Variants in ITPRID1 observed in about 807,000 individuals in gnomAD.
The protein encoded by ITPRID1 is protein ITPRID1.
ITPRID1 carries 96 observed loss-of-function variants against 95.4 expected under a neutral mutation model. The observed-to-expected ratio is 1.01, with a 90% CI of 0.85 to 1.19. The LOEUF (loss-of-function observed/expected upper bound fraction) is 1.19, where lower values mean the gene tolerates loss of function less well. ITPRID1 is among the 50% of genes most tolerant of loss of function. The probability of loss-of-function intolerance (pLI) is 0.00; values close to 1 mark genes in which losing one functional copy is unlikely to be tolerated. For missense variants in ITPRID1, 1,339 were observed against 1,252.9 expected (o/e 1.07, Z -1.04); for synonymous variants, 510 against 453.6 (o/e 1.12, Z -1.58).
chr7:31,585,823 G>C (rs1785572464), intron 10 of ITPRID1, among the ~76,000 whole-genome samples: 1 of 151,968 alleles, frequency 6.6e-6, no homozygotes. Context: ...TTACAAAGAA[G>C]CATGACAAAT....
chr7:31,556,716 T>C (rs1002418452), intron 5 of ITPRID1, among the ~76,000 whole-genome samples: 3 of 152,082 alleles, frequency 2.0e-5, no homozygotes, highest in Non-Finnish European at 4.4e-5. Context: ...AAGAAGTCAC[T>C]TTTGGAGGGA....
chr7:31,525,994 A>G (rs1055170290), intron 1 of ITPRID1, among the ~76,000 whole-genome samples: 2 of 152,176 alleles, frequency 1.3e-5, no homozygotes, highest in Non-Finnish European at 2.9e-5. Flanking sequence ...GTCTCTGTGC[A>G]TGAATTGAAA....
intron 2 of ITPRID1, among the ~76,000 whole-genome samples, chr7:31,552,671 G>T (rs1227669170): frequency 6.6e-6 from 1 of 152,102 alleles, no homozygotes; most frequent in Non-Finnish European, 1.5e-5. Context: ...AAATTTGAAG[G>T]CTATTTACTG....
chr7:31,657,457 A>C (rs1293488173), downstream of ITPRID1, among the ~76,000 whole-genome samples: 1 of 152,228 alleles, frequency 6.6e-6, no homozygotes, highest in African/African-American at 2.4e-5. Context: ...CACTGTGCTA[A>C]TTGCATCTGA....
Position 31,554,896 on chromosome 7 carries a change from G to T in ITPRID1, c.251G>T (p.Arg84Leu), listed in dbSNP as rs546132367. 80 of 1,577,780 alleles carry T rather than the reference G, an allele frequency of 5.1e-5. No individual in the cohort carries two copies. Among genetic ancestry groups the T allele is most frequent in the Non-Finnish European group, 6.7e-5 (78 of 1,158,768 alleles). Residue 84 changes from arginine to leucine, a missense_variant, in exon 5 of 15, where the codon CGC becomes CTC. By Grantham distance (102) the Arg-to-Leu change is moderately radical. Transcript: ENST00000615280. ...ANENFQQVID[R>L]TVSLYEQGMV... ...GAAAACTTTCAACAAGTCATTGACCGCACTGGTAAGACAAGAGAAGCAGTT... is the reference window on the plus strand; with the variant it reads ...GAAAACTTTCAACAAGTCATTGACCTCACTGGTAAGACAAGAGAAGCAGTT...
At chr7:31,532,387 AG>A (rs1188675737) in intron 1 of ITPRID1, among the ~76,000 whole-genome samples, 1 of 152,036 alleles carries the variant, frequency 6.6e-6, no homozygotes, top group Non-Finnish European at 1.5e-5. Flanking sequence ...ATTCTGAAAA[AG>A]GTTGAATAGA....
At chr7:31,619,926 G>C (rs898425176) in intron 10 of ITPRID1, among the ~76,000 whole-genome samples, 6 of 152,194 alleles carry the variant, frequency 3.9e-5, no homozygotes, top group African/African-American at 1.4e-4. Context: ...TTTCCGACGG[G>C]CTTAAAAAAC....
At chr7:31,561,444 C>G (rs1333846910) in intron 5 of ITPRID1, among the ~76,000 whole-genome samples, 2 of 114,760 alleles carry the variant, frequency 1.7e-5, no homozygotes, top group Non-Finnish European at 4.2e-5. Flanking sequence ...GAAATCTCTT[C>G]CAATAAAACA....
intron 10 of ITPRID1, among the ~76,000 whole-genome samples, chr7:31,596,099 T>A (rs1245034938): frequency 6.6e-6 from 1 of 151,450 alleles, no homozygotes; most frequent in Non-Finnish European, 1.5e-5. Flanking sequence ...TCAAATTTTA[T>A]ATTGATACTA....
chr7:31,620,701 A>G (rs866694532), intron 10 of ITPRID1, among the ~76,000 whole-genome samples: 9 of 151,874 alleles, frequency 5.9e-5, no homozygotes, highest in African/African-American at 1.7e-4. Context: ...AAAGCAGAGC[A>G]CCTCTCCTCC....
Position 31,642,805 on chromosome 7 carries a change from A to G in ITPRID1, c.1435A>G (p.Ser479Gly). Residue 479 changes from serine to glycine, a missense_variant, in exon 12 of 15, where the codon AGT becomes GGT. Physicochemically the swap from Ser to Gly is moderately conservative, Grantham distance 56. Transcript: ENST00000615280. Reference sequence around the variant, plus strand: ...AGAGTCGGATGGGCCAGATTCCAAAAGTAGGGCGAGCATGTCTTTTTCAAG... The same window carrying G: ...AGAGTCGGATGGGCCAGATTCCAAAGGTAGGGCGAGCATGTCTTTTTCAAG... ...QLESDGPDSKSRASMSFSSQE... is the reference protein window; with the variant it reads ...QLESDGPDSKGRASMSFSSQE... 1.2e-6 allele frequency: 2 copies of G among 1,613,818 alleles called. No individual in the cohort carries two copies. Among genetic ancestry groups the G allele is most frequent in the Middle Eastern group, 1.7e-4 (1 of 6,060 alleles).
At position 31,654,814 on chromosome 7, in the gene ITPRID1, G is replaced by A. The variant is rs561095643; in HGVS notation, c.*1985G>A. ...CAAAGGAGAGGTCACTTCTTAGCAA[G>A]TAACCTCAGAAACTAATTCTATTGA... is the stretch of plus-strand genomic sequence containing the variant. On this transcript the variant is annotated 3_prime_UTR_variant, in exon 15 of 15. Coordinates refer to ENST00000615280, the MANE Select transcript of ITPRID1 (RefSeq NM_001257967.3). Among the ~76,000 whole-genome samples the A allele has an allele frequency of 1.3e-5, 2 of 152,172 alleles. No homozygotes were observed. Among genetic ancestry groups the A allele is most frequent in the Admixed American group, 6.5e-5 (1 of 15,280 alleles).
At chr7:31,529,695 G>T in intron 1 of ITPRID1, 1 of 1,318,578 alleles carries the variant, frequency 7.6e-7, no homozygotes, top group Non-Finnish European at 1.1e-6. Flanking sequence ...AGTCACAAGG[G>T]CTTTGTAGTC....
At position 31,652,648 on chromosome 7, in the gene ITPRID1, T is replaced by A; in HGVS notation, c.2954T>A (p.Phe985Tyr). ...IHPGMAPRTV[F>Y]PPDDGQEAPC... ...CCAGGCATGGCCCCGAGGACTGTGT[T>A]TCCTCCCGATGATGGCCAGGAGGCT... The change falls in exon 15 of 15, where the codon TTT (phenylalanine) becomes TAT (tyrosine). Residue 985 changes from phenylalanine to tyrosine, a missense_variant. Coordinates refer to ENST00000615280, the MANE Select transcript of ITPRID1 (RefSeq NM_001257967.3). 2 of 1,613,868 alleles carry A rather than the reference T, an allele frequency of 1.2e-6. 1 individual carries two copies. Among genetic ancestry groups the A allele is most frequent in the Non-Finnish European group, 1.7e-6 (2 of 1,179,866 alleles).
At chr7:31,583,389 G>C (rs193072741) in intron 10 of ITPRID1, among the ~76,000 whole-genome samples, 198 bp downstream of exon 10, 129 of 152,304 alleles carry the variant, frequency 8.5e-4, no homozygotes, top group Non-Finnish European at 1.6e-3. Context: ...ACTGTGGGAG[G>C]CTGAGACGTG....
At chr7:31,539,204 A>G (rs904233655) in intron 1 of ITPRID1, among the ~76,000 whole-genome samples, 2 of 152,036 alleles carry the variant, frequency 1.3e-5, no homozygotes, top group East Asian at 3.9e-4. Context: ...GTTTATTTTG[A>G]TACGGGGTCT....
At chr7:31,617,396 G>T (rs985827600) in intron 10 of ITPRID1, among the ~76,000 whole-genome samples, 2 of 152,158 alleles carry the variant, frequency 1.3e-5, no homozygotes, top group Non-Finnish European at 1.5e-5. Flanking sequence ...AAGCATTTCT[G>T]AGGTAGGCAA....
At position 31,542,992 on chromosome 7, in the gene ITPRID1, A is replaced by G. The variant is rs556857583; in HGVS notation, c.-97-6434A>G. Among the ~76,000 whole-genome samples the G allele has an allele frequency of 3.9e-5, 6 of 152,330 alleles. No homozygotes were observed. In the East Asian group the frequency reaches 7.7e-4, roughly 20 times the overall value. ...AGCTTTTTAAATACAGATTGCACAC[A>G]TAACACATATATAGCCACACAGACA... On this transcript the variant is annotated intron_variant, in intron 1 of 14. Coordinates refer to ENST00000615280, the MANE Select transcript of ITPRID1 (RefSeq NM_001257967.3).
rs59564104 is a variant in ITPRID1, at chr7:31,542,554, A to C, written c.-97-6872A>C. On this transcript the variant is annotated intron_variant, in intron 1 of 14. Transcript: ENST00000615280. ...TCAAAGAACTGTTATTCTTTCCCAA[A>C]ACAAACTTCCTTTATGTCTGTGGAC... Among the ~76,000 whole-genome samples, 793 of 152,268 alleles carry C rather than the reference A, an allele frequency of 5.2e-3. 9 individuals are homozygous for C. Among genetic ancestry groups the C allele is most frequent in the African/African-American group, 0.017 (717 of 41,556 alleles).
Sources: gnomAD v4.1 joint callset for allele counts (sites outside exome capture counted in the v4.1 genomes callset) on GRCh38, gnomAD v4.1.1 for gene constraint, MANE v1.5 for transcripts, NCBI Gene and HGNC (gene_info 2026-07-23, HGNC 2026-07-21) for gene names.